Variants in CHRDL2 observed in about 807,000 individuals in gnomAD.
CHRDL2 encodes chordin like 2.
Under a neutral mutation model 54.3 loss-of-function variants are expected in CHRDL2, and 41 were observed. The observed-to-expected ratio is 0.76, with a 90% CI of 0.59 to 0.98. The LOEUF (loss-of-function observed/expected upper bound fraction) is 0.98, where lower values mean the gene tolerates loss of function less well. Among genes scored for constraint, CHRDL2 ranks in the 50% least tolerant of loss-of-function variants. The probability of loss-of-function intolerance (pLI) is 0.00; values close to 1 mark genes in which losing one functional copy is unlikely to be tolerated. For missense variants in CHRDL2, 518 were observed against 562.4 expected (o/e 0.92, Z 0.80); for synonymous variants, 220 against 224.3 (o/e 0.98, Z 0.17).
At chr11:74,713,267 T>G (rs1404160814) in intron 3 of CHRDL2, 119 bp downstream of exon 3, 3 of 820,868 alleles carry the variant, frequency 3.7e-6, no homozygotes, top group Non-Finnish European at 5.9e-6. Context: ...CCTTTGTGTG[T>G]CTACACCTCT....
intron 6 of CHRDL2, among the ~76,000 whole-genome samples, chr11:74,705,884 G>C (rs1347323689): frequency 6.6e-6 from 1 of 152,174 alleles, no homozygotes; most frequent in Admixed American, 6.5e-5. Flanking sequence ...TAGTCTCCCG[G>C]AGACCAGGAG....
At chr11:74,718,950 G>C in intron 1 of CHRDL2, 118 bp from the exon 2 acceptor site, 2 of 650,158 alleles carry the variant, frequency 3.1e-6, no homozygotes, top group East Asian at 5.5e-5. Flanking sequence ...AGGCAAAAGA[G>C]AATCTGCTAG....
At chr11:74,716,655 G>GTT (rs1289903106) in intron 2 of CHRDL2, among the ~76,000 whole-genome samples, 2 of 147,362 alleles carry the variant, frequency 1.4e-5, no homozygotes, top group African/African-American at 5.0e-5. Context: ...GCTATTAGAG[G>GTT]TTTTTTTTTT....
intron 2 of CHRDL2, among the ~76,000 whole-genome samples, chr11:74,715,881 C>T (rs2034335812): frequency 6.6e-6 from 1 of 150,604 alleles, no homozygotes; most frequent in Non-Finnish European, 1.5e-5. Context: ...GGGAGGCTGA[C>T]GCACGAGAAT....
chr11:74,702,527 T>G (rs73488699), intron 9 of CHRDL2, among the ~76,000 whole-genome samples: 3,144 of 152,290 alleles, frequency 0.021, 92 homozygotes, highest in African/African-American at 0.071. Context: ...TCTCCCTGCC[T>G]GGCTCCTCAC....
chr11:74,720,552 TTC>T (rs890814032), intron 1 of CHRDL2, among the ~76,000 whole-genome samples: 1 of 152,124 alleles, frequency 6.6e-6, no homozygotes, highest in Non-Finnish European at 1.5e-5. Flanking sequence ...CCCTAGCTTA[TTC>T]TCTTAGTCCC....
Position 74,704,625 on chromosome 11 carries a change from A to T in CHRDL2, c.612T>A (p.Asp204Glu), listed in dbSNP as rs780339715. ...TGCCCGGGCCTCTCTTTCTCCCAGC[A>T]TCACTGGAACATGGATCCTGAGGAT... ...VRHPQDPCSS[D>E]AGRKRGPGTP... The change falls in exon 7 of 11, where the codon GAT (aspartate) becomes GAA (glutamate). Residue 204 changes from aspartate (D) to glutamate (E), a missense_variant. By Grantham distance (45) the Asp-to-Glu change is conservative (BLOSUM62 2). Transcript: ENST00000376332. 1 of 1,605,524 alleles carries T rather than the reference A, an allele frequency of 6.2e-7. No individual in the cohort carries two copies. The highest frequency in any genetic ancestry group is 8.5e-7 in the Non-Finnish European group (1 of 1,176,232).
chr11:74,730,948 A>G lies in CHRDL2; in HGVS notation c.-60T>C. On this transcript the variant is annotated 5_prime_UTR_variant, in exon 1 of 11. Transcript: ENST00000376332. ...GGAGTCGGGAGGAAGGGAGACGAAA[A>G]GGACACGGAGGCACAGGGGCCACAG... 2 of 1,394,188 alleles carry G rather than the reference A, an allele frequency of 1.4e-6. No individual in the cohort carries two copies. The highest frequency in any genetic ancestry group is 2.0e-6 in the Non-Finnish European group (2 of 1,009,914). 86.4% of individuals were successfully genotyped at this position (1,394,188 alleles called of 1,614,324 possible).
chr11:74,709,998 C>T (rs995223941), intron 4 of CHRDL2, among the ~76,000 whole-genome samples: 1 of 152,094 alleles, frequency 6.6e-6, no homozygotes. Flanking sequence ...GGGCAGATCA[C>T]GAGGTCAGGA....
intron 1 of CHRDL2, chr11:74,719,122 A>T: frequency 2.9e-6 from 1 of 342,692 alleles, no homozygotes; most frequent in Non-Finnish European, 5.3e-6. Flanking sequence ...TGCTGTACAG[A>T]TTTATATCAT....
chr11:74,727,721 TA>T (rs2034593578), intron 1 of CHRDL2, among the ~76,000 whole-genome samples: 1 of 151,724 alleles, frequency 6.6e-6, no homozygotes, highest in Admixed American at 6.6e-5. Context: ...TTTTACTTGG[TA>T]ACTGACTCTC....
intron 2 of CHRDL2, among the ~76,000 whole-genome samples, chr11:74,716,132 C>A (rs1181965718): frequency 6.6e-6 from 1 of 152,090 alleles, no homozygotes; most frequent in Non-Finnish European, 1.5e-5. Context: ...GTGAGAAGAT[C>A]TGAGGGAAGA....
intron 9 of CHRDL2, chr11:74,701,589 TA>T: frequency 1.4e-6 from 1 of 717,558 alleles, no homozygotes; most frequent in Non-Finnish European, 2.6e-6. Flanking sequence ...GTCCTCCACT[TA>T]CTGGCTGTGT....
chr11:74,701,559 A>G (rs1301469384), intron 9 of CHRDL2: 2 of 714,984 alleles, frequency 2.8e-6, no homozygotes, highest in Non-Finnish European at 5.2e-6. Flanking sequence ...TGACGCCACA[A>G]GACATGGGCT....
chr11:74,701,299 G>A, intron 9 of CHRDL2: 2 of 333,926 alleles, frequency 6.0e-6, no homozygotes, highest in East Asian at 9.2e-5. Context: ...AGGCCACACA[G>A]CTAAGATATA....
In CHRDL2 at chr11:74,710,966, C is replaced by G; in HGVS notation, c.315G>C (p.Arg105=). 1.9e-6 allele frequency: 3 copies of G among 1,613,948 alleles called. No individual in the cohort carries two copies. Among genetic ancestry groups the G allele is most frequent in the Non-Finnish European group, 1.7e-6 (2 of 1,179,942 alleles). Residue 105 remains arginine, a synonymous_variant, in exon 4 of 11, where the codon CGG becomes CGC. Coordinates refer to ENST00000376332, the MANE Select transcript of CHRDL2 (RefSeq NM_001278473.3). ...TGTGCTGGCAGGACTTTGGTGGGGCCCGGAGTCCAGAGGGAGTGTGAGGTT... is the reference window on the plus strand; with the variant it reads ...TGTGCTGGCAGGACTTTGGTGGGGCGCGGAGTCCAGAGGGAGTGTGAGGTT... ...CVEPHTPSGL[R]APPKSCQHNG...
chr11:74,709,331 T>G (rs1440085844), intron 4 of CHRDL2, among the ~76,000 whole-genome samples: 1 of 152,204 alleles, frequency 6.6e-6, no homozygotes, highest in Non-Finnish European at 1.5e-5. Flanking sequence ...GAACATTGGC[T>G]TTGGAGCCAG....
chr11:74,708,343 G>A lies in CHRDL2; in HGVS notation c.485C>T (p.Ala162Val). ...LTTCPEPGCP[A>V]PLPLPDSCCQ... The stretch of plus-strand genomic sequence containing the variant: ...GCAGGAGTCTGGCAGCGGGAGGGGT[G>A]CTGGGCAGCCTGGTTCGGGGCAGGT... Residue 162 changes from alanine (A) to valine (V), a missense_variant, in exon 5 of 11, where the codon GCA (alanine) becomes GTA (valine). Transcript: ENST00000376332. 6.3e-7 allele frequency: 1 copy of A among 1,584,924 alleles called. No individual in the cohort carries two copies. Among genetic ancestry groups the A allele is most frequent in the South Asian group, 1.1e-5 (1 of 87,180 alleles).
chr11:74,721,652 G>A (rs571598389), intron 1 of CHRDL2, among the ~76,000 whole-genome samples: 3 of 152,392 alleles, frequency 2.0e-5, no homozygotes, highest in South Asian at 4.1e-4. Flanking sequence ...GCGACAGGCC[G>A]CCTCAGTTCC....
Sources: allele counts gnomAD v4.1 joint callset (sites outside exome capture counted in the v4.1 genomes callset), GRCh38; gene constraint gnomAD v4.1.1; transcripts MANE v1.5; gene names NCBI Gene and HGNC (gene_info 2026-07-23, HGNC 2026-07-21).